IL1RAPL1: variants seen among roughly 807,000 people sequenced by gnomAD.
IL1RAPL1 encodes the protein interleukin-1 receptor accessory protein-like 1.
IL1RAPL1 carries 3 observed loss-of-function variants against 48.4 expected under a neutral mutation model. The ratio of observed to expected loss-of-function variants is 0.06; its 90% CI spans 0.03 to 0.16. The LOEUF (loss-of-function observed/expected upper bound fraction) is 0.16, where lower values mean the gene tolerates loss of function less well. IL1RAPL1 is among the 10% of genes least tolerant of loss of function. IL1RAPL1 has a pLI of 1.00. For synonymous variants in IL1RAPL1, 185 were observed against 187.7 expected (o/e 0.99, Z 0.12); for missense variants, 349 against 530.6 (o/e 0.66, Z 3.36).
chrX:29,430,138 T>TCC (rs1432789530), intron 5 of IL1RAPL1, among the ~76,000 whole-genome samples: 1 of 108,584 alleles, frequency 9.2e-6, no homozygotes, highest in Non-Finnish European at 1.9e-5. Context: ...TCTCTCTCTC[T>TCC]CCCCCAACGT....
At chrX:29,011,701 G>A (rs1290455873) in intron 2 of IL1RAPL1, among the ~76,000 whole-genome samples, 3 of 112,091 alleles carry the variant, frequency 2.7e-5, no homozygotes, top group Non-Finnish European at 3.8e-5. Context: ...TTTGATTGTA[G>A]CGATGATTTC....
intron 5 of IL1RAPL1, among the ~76,000 whole-genome samples, chrX:29,530,874 A>G (rs1921018213): frequency 8.9e-6 from 1 of 112,198 alleles, no homozygotes; most frequent in Non-Finnish European, 1.9e-5. Flanking sequence ...TCCAGTTGCT[A>G]GCTGAGCGAC....
chrX:28,883,944 A>G (rs1244039429), intron 2 of IL1RAPL1, among the ~76,000 whole-genome samples: 4 of 111,759 alleles, frequency 3.6e-5, no homozygotes, highest in African/African-American at 1.3e-4. Context: ...TTATAAAATA[A>G]AGACATGTTA....
intron 5 of IL1RAPL1, among the ~76,000 whole-genome samples, chrX:29,523,619 T>G (rs1325256791): frequency 8.9e-6 from 1 of 111,813 alleles, no homozygotes; most frequent in Non-Finnish European, 1.9e-5. Context: ...TTGCACTTTT[T>G]CTAGGTGCTA....
intron 5 of IL1RAPL1, among the ~76,000 whole-genome samples, chrX:29,488,057 C>G (rs746480010): frequency 4.5e-5 from 5 of 111,929 alleles, no homozygotes; most frequent in Non-Finnish European, 5.6e-5. Context: ...GTCTTTATTT[C>G]ACAATTCAAC....
intron 5 of IL1RAPL1, among the ~76,000 whole-genome samples, chrX:29,418,823 G>T (rs1441883293): frequency 1.8e-5 from 2 of 111,772 alleles, no homozygotes; most frequent in Admixed American, 9.5e-5. Context: ...TTTTCCATTT[G>T]GGGTATATAA....
At chrX:28,973,015 G>C (rs1003858010) in intron 2 of IL1RAPL1, among the ~76,000 whole-genome samples, 2 of 111,400 alleles carry the variant, frequency 1.8e-5, no homozygotes, top group African/African-American at 6.5e-5. Flanking sequence ...TTTTCATTTA[G>C]ATAACATCTA....
chrX:29,453,070 G>A (rs1602241973), intron 5 of IL1RAPL1, among the ~76,000 whole-genome samples: 2 of 108,015 alleles, frequency 1.9e-5, no homozygotes, highest in South Asian at 4.2e-4. Context: ...GATTACAGGC[G>A]CCCGCCACCA....
Position 29,129,196 on chromosome X carries a change from A to AC in IL1RAPL1, c.83-153740dup, listed in dbSNP as rs1260812297. Among the ~76,000 whole-genome samples, 8 of 109,997 alleles carry AC rather than the reference A, an allele frequency of 7.3e-5. No homozygotes were observed. The East Asian group carries it at 2.3e-3, about 31-fold the overall frequency. ...GTAGCTGGGATTACAGGCATGTGCCACCACGCCTGGCTAATTTTGTATTTT... is the reference window on the plus strand; with the variant it reads ...GTAGCTGGGATTACAGGCATGTGCCACCCACGCCTGGCTAATTTTGTATTTT... On this transcript the variant is annotated intron_variant, in intron 2 of 10. Coordinates refer to ENST00000378993, the MANE Select transcript of IL1RAPL1 (RefSeq NM_014271.4).
At chrX:29,195,175 G>C (rs1234158619) in intron 2 of IL1RAPL1, among the ~76,000 whole-genome samples, 1 of 112,001 alleles carries the variant, frequency 8.9e-6, no homozygotes, top group African/African-American at 3.2e-5. Flanking sequence ...TGAGTACTCT[G>C]TATGTACATG....
chrX:29,815,777 T>C lies in IL1RAPL1; in HGVS notation c.779-101687T>C, dbSNP rs750340255. ...AGATGCCTAGTTTGTTGAGGCTTTT[T>C]ATAATTTTATAAAATCCCTTTGTAT... is the stretch of plus-strand genomic sequence containing the variant. On this transcript the variant is annotated intron_variant, in intron 6 of 10. Transcript: ENST00000378993. 1.7e-4 allele frequency among the ~76,000 whole-genome samples: 19 copies of C among 111,388 alleles called. No individual in the cohort carries two copies. In the South Asian group the frequency reaches 6.8e-3, roughly 40 times the overall value.
chrX:28,907,381 A>C (rs775918661), intron 2 of IL1RAPL1, among the ~76,000 whole-genome samples: 10 of 111,332 alleles, frequency 9.0e-5, no homozygotes, highest in Middle Eastern at 4.7e-3. Flanking sequence ...CAGCCTCCCT[A>C]GCAGCTGAGA....
intron 2 of IL1RAPL1, among the ~76,000 whole-genome samples, chrX:28,875,706 T>A (rs1308514343): frequency 9.0e-6 from 1 of 111,342 alleles, no homozygotes; most frequent in Non-Finnish European, 1.9e-5. Flanking sequence ...ATTATTTTCT[T>A]GAGAAACTCA....
At chrX:29,392,599 G>A (rs1400326034) in intron 3 of IL1RAPL1, among the ~76,000 whole-genome samples, 1 of 112,203 alleles carries the variant, frequency 8.9e-6, no homozygotes, top group Non-Finnish European at 1.9e-5. Context: ...ATCCTGGAGA[G>A]TCTGGAGTTC....
intron 6 of IL1RAPL1, among the ~76,000 whole-genome samples, chrX:29,850,778 A>G (rs1300804342): frequency 8.9e-6 from 1 of 112,477 alleles, no homozygotes; most frequent in Non-Finnish European, 1.9e-5. Flanking sequence ...GACAGTAACA[A>G]TGCAGCCTAT....
chrX:28,812,077 G>A (rs185416715), intron 2 of IL1RAPL1, among the ~76,000 whole-genome samples: 2 of 110,449 alleles, frequency 1.8e-5, no homozygotes, highest in East Asian at 2.8e-4. Context: ...AGGATTCCAG[G>A]GGAAGAAAAA....
At chrX:29,566,415 GTGAAACTCCATC>G (rs1407422725) in intron 5 of IL1RAPL1, among the ~76,000 whole-genome samples, 1 of 109,755 alleles carries the variant, frequency 9.1e-6, no homozygotes, top group Non-Finnish European at 1.9e-5. Flanking sequence ...GGGCAACATA[GTGAAACTCCATC>G]TCATAAAAAA....
At chrX:29,291,061 T>C (rs1932363149) in intron 3 of IL1RAPL1, among the ~76,000 whole-genome samples, 1 of 111,706 alleles carries the variant, frequency 9.0e-6, no homozygotes. Context: ...CTTATCTTTC[T>C]GTGGCATCAG....
intron 6 of IL1RAPL1, among the ~76,000 whole-genome samples, chrX:29,913,401 C>CACACATATAT (rs1265871395): frequency 9.1e-6 from 1 of 109,960 alleles, no homozygotes. Context: ...GATACACACA[C>CACACATATAT]ACACATATAT....
Sources: gnomAD v4.1 joint callset for allele counts (sites outside exome capture counted in the v4.1 genomes callset) on GRCh38, gnomAD v4.1.1 for gene constraint, MANE v1.5 for transcripts, NCBI Gene and HGNC (gene_info 2026-07-23, HGNC 2026-07-21) for gene names.